Variants in HOOK3 observed in about 807,000 individuals in gnomAD.
HOOK3 encodes the protein hook microtubule tethering protein 3.
Under a neutral mutation model 116.3 loss-of-function variants are expected in HOOK3, and 24 were observed. The ratio of observed to expected loss-of-function variants is 0.21; its 90% CI spans 0.15 to 0.29. The LOEUF (loss-of-function observed/expected upper bound fraction) is 0.29. Ranked by LOEUF, HOOK3 falls within the 10% of genes least tolerant of loss-of-function variation. The pLI is 1.00. For synonymous variants in HOOK3, 275 were observed against 283.0 expected, an observed-to-expected ratio of 0.97 and a Z score of 0.28; for missense variants, 632 against 830.2, an observed-to-expected ratio of 0.76 and a Z score of 2.93.
At chr8:42,946,061 A>T (rs2130389632) in intron 5 of HOOK3, among the ~76,000 whole-genome samples, 1 of 152,330 alleles carries the variant, frequency 6.6e-6, no homozygotes, top group South Asian at 2.1e-4. Flanking sequence ...AATAAAGCAG[A>T]TAAATTTTAC....
intron 15 of HOOK3, among the ~76,000 whole-genome samples, chr8:42,996,960 G>A (rs1809283302): frequency 7.5e-6 from 1 of 133,708 alleles, no homozygotes; most frequent in Non-Finnish European, 1.5e-5. Context: ...AGACTGGAGT[G>A]CAGTGGCACG....
intron 13 of HOOK3, among the ~76,000 whole-genome samples, chr8:42,978,930 G>C (rs1808880219): frequency 6.6e-6 from 1 of 152,140 alleles, no homozygotes; most frequent in Admixed American, 6.5e-5. Flanking sequence ...AGGTAATTTA[G>C]TGTTGCACAC....
At chr8:42,965,378 GGT>G (rs1808615018) in intron 9 of HOOK3, among the ~76,000 whole-genome samples, 1 of 152,036 alleles carries the variant, frequency 6.6e-6, no homozygotes, top group South Asian at 2.1e-4. Context: ...TATTTAAAGG[GGT>G]GAGCTGATTT....
intron 3 of HOOK3, among the ~76,000 whole-genome samples, chr8:42,927,557 G>T (rs1366602082): frequency 6.6e-6 from 1 of 151,982 alleles, no homozygotes; most frequent in Non-Finnish European, 1.5e-5. Context: ...TGCCCGGCCG[G>T]CCCTGTTTTA....
intron 17 of HOOK3, among the ~76,000 whole-genome samples, chr8:43,003,951 C>T (rs1180154967): frequency 6.6e-6 from 1 of 152,164 alleles, no homozygotes; most frequent in East Asian, 1.9e-4. Context: ...ACCCAATTTC[C>T]AAATACTGTC....
Position 42,962,298 on chromosome 8 carries a change from G to A in HOOK3, c.616-2013G>A, listed in dbSNP as rs529391328. ...TTTTTTTTGGTAGAAATGGGGTCTT[G>A]TTATGCTACCCAGGCTGGTCTCAAA... On this transcript the variant is annotated intron_variant, in intron 8 of 21. Transcript: ENST00000307602. 7.9e-4 allele frequency among the ~76,000 whole-genome samples: 85 copies of A among 107,030 alleles called. 1 individual carries two copies. Among genetic ancestry groups the A allele is most frequent in the African/African-American group, 3.0e-3 (83 of 27,970 alleles). 70.2% of individuals were successfully genotyped at this position (107,030 alleles called of 152,430 possible). A position where few individuals can be genotyped will look rare whatever the true frequency, so the allele number is the denominator to read the frequency against.
intron 4 of HOOK3, among the ~76,000 whole-genome samples, chr8:42,942,302 C>G (rs1343853527): frequency 6.6e-6 from 1 of 152,134 alleles, no homozygotes; most frequent in Non-Finnish European, 1.5e-5. Context: ...TCCTCCAAAA[C>G]CCCTATTACT....
At chr8:42,943,270 A>G in intron 4 of HOOK3, 43 bp from the exon 5 acceptor site, 1 of 1,235,716 alleles carries the variant, frequency 8.1e-7, no homozygotes, top group Non-Finnish European at 1.1e-6. Context: ...TTTTTTGGTC[A>G]TATAAATGTA....
chr8:42,956,455 C>G (rs919269074), intron 6 of HOOK3, among the ~76,000 whole-genome samples: 1 of 151,506 alleles, frequency 6.6e-6, no homozygotes, highest in Non-Finnish European at 1.5e-5. Context: ...ACTAGGCTTG[C>G]GGTGAAAATG....
chr8:43,015,699 G>A (rs576274755), intron 21 of HOOK3, among the ~76,000 whole-genome samples: 1 of 152,130 alleles, frequency 6.6e-6, no homozygotes, highest in South Asian at 2.1e-4. Context: ...TGCATTTCAG[G>A]CCTTATTAAT....
chr8:43,016,583 T>G (rs1227416438), intron 21 of HOOK3, among the ~76,000 whole-genome samples: 1 of 152,200 alleles, frequency 6.6e-6, no homozygotes, highest in Non-Finnish European at 1.5e-5. Context: ...GGAAGAGGTA[T>G]TAAGTAGCTC....
chr8:42,944,676 G>C (rs184507180), intron 5 of HOOK3, among the ~76,000 whole-genome samples: 3 of 151,804 alleles, frequency 2.0e-5, no homozygotes, highest in Non-Finnish European at 2.9e-5. Flanking sequence ...AAAATTAGCC[G>C]GGCGCGGTGG....
chr8:42,905,502 T>G (rs896901995), intron 1 of HOOK3, among the ~76,000 whole-genome samples: 23 of 152,080 alleles, frequency 1.5e-4, no homozygotes, highest in Admixed American at 1.5e-3. Flanking sequence ...CCCAGAAGCA[T>G]CTCCTTATCT....
intron 9 of HOOK3, 46 bp downstream of exon 9, chr8:42,964,520 T>A: frequency 6.3e-7 from 1 of 1,579,766 alleles, no homozygotes; most frequent in Non-Finnish European, 8.7e-7. Context: ...ATTTGTTAGC[T>A]GTCATTTAAA....
At position 42,982,753 on chromosome 8, in the gene HOOK3, C is replaced by T. The variant is rs1808976363; in HGVS notation, c.1391+57C>T. ...GCACAGTATTCTTGGAGAAAACGTA[C>T]TTCTCTACAATATGAAGAAGATAAT... On this transcript the variant is annotated intron_variant, in intron 14 of 21. Coordinates refer to ENST00000307602, the MANE Select transcript of HOOK3 (RefSeq NM_032410.4). The T allele has an allele frequency of 1.8e-5, 19 of 1,077,664 alleles. 1 individual carries two copies. Among genetic ancestry groups the T allele is most frequent in the Non-Finnish European group, 2.6e-5 (18 of 696,788 alleles). 66.8% of individuals were successfully genotyped at this position (1,077,664 alleles called of 1,614,324 possible).
At chr8:42,922,773 G>A (rs1807681467) in intron 2 of HOOK3, among the ~76,000 whole-genome samples, 2 of 151,338 alleles carry the variant, frequency 1.3e-5, no homozygotes, top group African/African-American at 2.4e-5. Context: ...GGTGGTGCAC[G>A]CCTGTAAGCC....
chr8:42,969,032 A>G (rs1808681455), intron 11 of HOOK3, among the ~76,000 whole-genome samples: 1 of 152,204 alleles, frequency 6.6e-6, no homozygotes, highest in Admixed American at 6.5e-5. Flanking sequence ...GCTTTATAAC[A>G]TTCATTTCTG....
rs553970932 is a variant in HOOK3, at chr8:43,021,072, A to C, written c.*2574A>C. On this transcript the variant is annotated 3_prime_UTR_variant, in exon 22 of 22. Transcript: ENST00000307602. Reference sequence around the variant, plus strand: ...AGCCGAGATGGCGCCATTGCACCCCAGCCTGGCGACAAGAGCGAAACTCTG... The same window carrying C: ...AGCCGAGATGGCGCCATTGCACCCCCGCCTGGCGACAAGAGCGAAACTCTG... 5.2e-5 allele frequency: 7 copies of C among 133,544 alleles called. No homozygotes were observed. The East Asian group carries it at 1.6e-3, about 30-fold the overall frequency. The allele number at this position is 133,544 out of a possible 1,614,324, so 8.3% of individuals were successfully genotyped here. A position where few individuals can be genotyped will look rare whatever the true frequency, so the allele number is the denominator to read the frequency against.
chr8:42,948,314 C>T (rs940488639), intron 5 of HOOK3, among the ~76,000 whole-genome samples: 1 of 152,198 alleles, frequency 6.6e-6, no homozygotes, highest in Non-Finnish European at 1.5e-5. Flanking sequence ...TCTCATTCTC[C>T]AGCATTGCCT....
Sources: gnomAD v4.1 joint callset for allele counts (sites outside exome capture counted in the v4.1 genomes callset) on GRCh38, gnomAD v4.1.1 for gene constraint, MANE v1.5 for transcripts, NCBI Gene and HGNC (gene_info 2026-07-23, HGNC 2026-07-21) for gene names.